ZFHX4: variants seen among roughly 807,000 people sequenced by gnomAD.
The protein encoded by ZFHX4 is zinc finger homeobox protein 4.
Under a neutral mutation model 267.6 loss-of-function variants are expected in ZFHX4, and 56 were observed. That is an observed-to-expected ratio of 0.21 (90% CI 0.17 to 0.26). The LOEUF (loss-of-function observed/expected upper bound fraction) is 0.26, where lower values mean the gene tolerates loss of function less well. ZFHX4 is among the 10% of genes least tolerant of loss of function. The pLI is 1.00. For synonymous variants in ZFHX4, 1,778 were observed against 1,665.6 expected (o/e 1.07, Z -1.64); for missense variants, 4,332 against 4,420.0 (o/e 0.98, Z 0.56).
intron 1 of ZFHX4, among the ~76,000 whole-genome samples, chr8:76,686,680 T>C (rs940113252): frequency 6.6e-6 from 1 of 152,208 alleles, no homozygotes; most frequent in Non-Finnish European, 1.5e-5. Context: ...GGTTCGACAA[T>C]GTCAATGAGA....
At chr8:76,791,892 C>T (rs563207047) in intron 4 of ZFHX4, among the ~76,000 whole-genome samples, 38 of 152,228 alleles carry the variant, frequency 2.5e-4, no homozygotes, top group African/African-American at 7.9e-4. Flanking sequence ...CCTTACACCA[C>T]TCAATGTATA....
chr8:76,825,812 T>A (rs1251127535), intron 4 of ZFHX4, among the ~76,000 whole-genome samples: 1 of 152,208 alleles, frequency 6.6e-6, no homozygotes. Flanking sequence ...ACTCTATGGT[T>A]GTAGTCCTTT....
chr8:76,833,588 T>C, intron 5 of ZFHX4, 182 bp downstream of exon 5: 1 of 542,530 alleles, frequency 1.8e-6, no homozygotes, highest in Non-Finnish European at 3.2e-6. Flanking sequence ...ATATGTAAAT[T>C]GACTTTACAT....
At chr8:76,684,501 T>G (rs1807641777) in intron 1 of ZFHX4, among the ~76,000 whole-genome samples, 1 of 152,190 alleles carries the variant, frequency 6.6e-6, no homozygotes, top group Non-Finnish European at 1.5e-5. Context: ...TTTAAAAAAG[T>G]AAACTCATAT....
intron 1 of ZFHX4, among the ~76,000 whole-genome samples, chr8:76,688,852 T>G (rs1268876590): frequency 1.3e-5 from 2 of 152,130 alleles, no homozygotes; most frequent in African/African-American, 4.8e-5. Flanking sequence ...TAACCCAACT[T>G]GTTTGTTGCT....
intron 3 of ZFHX4, among the ~76,000 whole-genome samples, chr8:76,747,183 G>C (rs1357857620): frequency 2.0e-5 from 3 of 151,996 alleles, no homozygotes; most frequent in Non-Finnish European, 4.4e-5. Context: ...TTAGGTATTT[G>C]GTTCTCAAGA....
intron 5 of ZFHX4, among the ~76,000 whole-genome samples, chr8:76,835,221 A>ATG (rs1554572136): frequency 2.0e-4 from 16 of 79,638 alleles, no homozygotes; most frequent in African/African-American, 1.2e-3. Flanking sequence ...ATATATATGT[A>ATG]TATATATATA....
rs1166874280 is a variant in ZFHX4, at chr8:76,854,361, G to T, written c.7440G>T (p.Thr2480=). Reference sequence around the variant, plus strand: ...CCAGTCCACTGCAAATTTCCATGACGTCTCTCCAGAACAGTCTACCTCCAC... The same window carrying T: ...CCAGTCCACTGCAAATTTCCATGACTTCTCTCCAGAACAGTCTACCTCCAC... ...VPSSPLQISM[T]SLQNSLPPQL... is the part of the protein sequence containing the mutation. The change falls in exon 10 of 11, where the codon ACG becomes ACT. Residue 2480 remains threonine, a synonymous_variant. Coordinates refer to ENST00000651372, the MANE Select transcript of ZFHX4 (RefSeq NM_024721.5). The T allele has an allele frequency of 6.2e-7, 1 of 1,613,638 alleles. No homozygotes were observed. Among genetic ancestry groups the T allele is most frequent in the Non-Finnish European group, 8.5e-7 (1 of 1,179,860 alleles).
chr8:76,784,866 G>A (rs1050269664), intron 4 of ZFHX4, among the ~76,000 whole-genome samples: 2 of 151,986 alleles, frequency 1.3e-5, no homozygotes, highest in African/African-American at 2.4e-5. Context: ...TTAACAGAAT[G>A]TGCCAATATA....
At chr8:76,779,912 C>T (rs889903046) in intron 4 of ZFHX4, among the ~76,000 whole-genome samples, 1 of 152,054 alleles carries the variant, frequency 6.6e-6, no homozygotes, top group African/African-American at 2.4e-5. Context: ...AGCATAAAAA[C>T]CTTGGTCTTA....
intron 3 of ZFHX4, among the ~76,000 whole-genome samples, chr8:76,718,665 T>G (rs1406394393): frequency 1.3e-5 from 2 of 152,142 alleles, no homozygotes; most frequent in East Asian, 3.9e-4. Context: ...TTTGAAGAGC[T>G]GTTTAATTTT....
At chr8:76,790,396 T>C (rs1473369705) in intron 4 of ZFHX4, among the ~76,000 whole-genome samples, 3 of 152,122 alleles carry the variant, frequency 2.0e-5, no homozygotes, top group Non-Finnish European at 4.4e-5. Context: ...TTATTCAACA[T>C]GACTCTTGTA....
chr8:76,854,264 C>T lies in ZFHX4; in HGVS notation c.7343C>T (p.Pro2448Leu). The change falls in exon 10 of 11, where the codon CCA (proline) becomes CTA (leucine). Residue 2448 changes from proline to leucine, a missense_variant. Physicochemically the swap from Pro to Leu is moderately conservative, Grantham distance 98. Coordinates refer to ENST00000651372, the MANE Select transcript of ZFHX4 (RefSeq NM_024721.5). ...PPQASTAQPQ[P>L]QPQPPKQPQL... is the part of the protein sequence containing the mutation. ...CAGGCATCCACAGCCCAGCCACAGCCACAGCCACAGCCACCAAAACAACCC... is the reference window on the plus strand; with the variant it reads ...CAGGCATCCACAGCCCAGCCACAGCTACAGCCACAGCCACCAAAACAACCC... 1.3e-6 allele frequency: 2 copies of T among 1,581,668 alleles called. No individual in the cohort carries two copies. The highest frequency in any genetic ancestry group is 1.7e-6 in the Non-Finnish European group (2 of 1,163,944).
intron 3 of ZFHX4, among the ~76,000 whole-genome samples, chr8:76,731,657 TA>T (rs1016218574): frequency 1.3e-5 from 2 of 152,052 alleles, no homozygotes; most frequent in African/African-American, 4.8e-5. Flanking sequence ...TGAAATTAAA[TA>T]AGTCCATTGT....
chr8:76,796,340 A>G (rs1314636663), intron 4 of ZFHX4, among the ~76,000 whole-genome samples: 1 of 152,238 alleles, frequency 6.6e-6, no homozygotes. Flanking sequence ...ATGTAGAGAT[A>G]GATGCTAACA....
intron 4 of ZFHX4, among the ~76,000 whole-genome samples, chr8:76,795,326 T>G (rs1363334032): frequency 2.0e-5 from 3 of 152,064 alleles, no homozygotes; most frequent in Non-Finnish European, 4.4e-5. Flanking sequence ...TAGGCTAGAG[T>G]GCAGTGGCAT....
Position 76,705,699 on chromosome 8 carries a change from A to C in ZFHX4, c.1611A>C (p.Lys537Asn), listed in dbSNP as rs768355160. ...TTTCTGATGACACAGAAAAGAAAAA[A>C]CAGACTGCTGCTGTTAGGGCCAGTG... The part of the protein sequence containing the change: ...ATVSDDTEKK[K>N]QTAAVRASGS... The change falls in exon 2 of 11, where the codon AAA becomes AAC. Residue 537 changes from lysine (K) to asparagine (N), a missense_variant. By Grantham distance (94) the Lys-to-Asn change is moderately conservative. Around this residue, in one of 7 missense-constraint regions of ZFHX4, gnomAD observed 1,195 missense variants for 1,173.6 expected, o/e 1.02. Transcript: ENST00000651372. The C allele has an allele frequency of 3.7e-6, 6 of 1,614,000 alleles. No individual in the cohort carries two copies. The East Asian group carries it at 6.7e-5, about 18-fold the overall frequency.
At position 76,705,888 on chromosome 8, in the gene ZFHX4, A is replaced by C; in HGVS notation, c.1800A>C (p.Thr600=). ...QHGFTPSTPG[T]PGPGGDGSPG... ...GCTTTACCCCGAGTACTCCTGGCAC[A>C]CCAGGGCCTGGAGGAGACGGCTCAC... Residue 600 remains threonine (T), a synonymous_variant, in exon 2 of 11, where the codon ACA becomes ACC. Transcript: ENST00000651372. 2 of 1,613,644 alleles carry C rather than the reference A, an allele frequency of 1.2e-6. No homozygotes were observed. The highest frequency in any genetic ancestry group is 1.7e-6 in the Non-Finnish European group (2 of 1,179,850).
Position 76,854,384 on chromosome 8 carries a change from C to T in ZFHX4, c.7463C>T (p.Pro2488Leu). The T allele has an allele frequency of 1.2e-6, 2 of 1,613,946 alleles. No individual in the cohort carries two copies. The highest frequency in any genetic ancestry group is 1.7e-6 in the Non-Finnish European group (2 of 1,179,880). The change falls in exon 10 of 11, where the codon CCA becomes CTA. Residue 2488 changes from proline to leucine, a missense_variant. Transcript: ENST00000651372. ...ACGTCTCTCCAGAACAGTCTACCTC[C>T]ACAGTTACTACAATACCAATGTGAT... Reference protein sequence around the residue: ...SMTSLQNSLPPQLLQYQCDQC... With the variant: ...SMTSLQNSLPLQLLQYQCDQC...
Sources: allele counts gnomAD v4.1 joint callset (sites outside exome capture counted in the v4.1 genomes callset), GRCh38; gene constraint gnomAD v4.1.1; regional missense constraint gnomAD v4.1.1; transcripts MANE v1.5; gene names NCBI Gene and HGNC (gene_info 2026-07-23, HGNC 2026-07-21).